DYNC2I1: variants seen among roughly 807,000 people sequenced by gnomAD.
DYNC2I1 encodes the protein dynein 2 intermediate chain 1.
Under a neutral mutation model 133.4 loss-of-function variants are expected in DYNC2I1, and 89 were observed. The observed-to-expected ratio is 0.67, with a 90% CI of 0.56 to 0.80. The LOEUF (loss-of-function observed/expected upper bound fraction) is 0.80, where lower values mean the gene tolerates loss of function less well. DYNC2I1 is among the 30% of genes least tolerant of loss of function. The probability of loss-of-function intolerance (pLI) is 0.00; values close to 1 mark genes in which losing one functional copy is unlikely to be tolerated. For synonymous variants in DYNC2I1, 504 were observed against 484.3 expected, an observed-to-expected ratio of 1.04 and a Z score of -0.54; for missense variants, 1,291 against 1,314.5, an observed-to-expected ratio of 0.98 and a Z score of 0.28.
chr7:158,885,345 CTT>C (rs758083057), intron 6 of DYNC2I1, among the ~76,000 whole-genome samples: 10 of 141,854 alleles, frequency 7.0e-5, no homozygotes, highest in South Asian at 2.3e-4. Flanking sequence ...TGTATAAACT[CTT>C]TTTTTTTTTT....
upstream of DYNC2I1, among the ~76,000 whole-genome samples, chr7:158,853,376 G>A (rs1189694070): frequency 6.6e-6 from 1 of 152,132 alleles, no homozygotes; most frequent in Non-Finnish European, 1.5e-5. Flanking sequence ...GATGGAACAG[G>A]CTTCTTTAAG....
At position 158,902,414 on chromosome 7, in the gene DYNC2I1, T is replaced by C; in HGVS notation, c.1176T>C (p.Asp392=). 1.9e-6 allele frequency: 3 copies of C among 1,613,640 alleles called. No homozygotes were observed. Among genetic ancestry groups the C allele is most frequent in the Non-Finnish European group, 2.5e-6 (3 of 1,179,870 alleles). The change falls in exon 10 of 25, where the codon GAT becomes GAC. Residue 392 remains aspartate (D), a synonymous_variant. Coordinates refer to ENST00000407559, the MANE Select transcript of DYNC2I1 (RefSeq NM_018051.5). The part of the protein sequence containing the change: ...EDDFEVCDGD[D]DESSNEPESR... The stretch of plus-strand genomic sequence containing the variant: ...ACTTTGAGGTTTGTGATGGTGATGA[T>C]GATGAAAGCAGTAATGAACCTGAGT...
At chr7:158,843,657 A>G in the DYNC2I1 span, among the ~76,000 whole-genome samples, 12 of 152,250 alleles carry the variant, frequency 7.9e-5, no homozygotes, top group Admixed American at 7.2e-4. Context: ...CAGCCTCCCA[A>G]AGTACTGGGA....
At chr7:158,886,613 T>A (rs1020545784) in intron 6 of DYNC2I1, among the ~76,000 whole-genome samples, 3 of 152,204 alleles carry the variant, frequency 2.0e-5, no homozygotes, top group African/African-American at 7.2e-5. Context: ...TTTAAAAAAA[T>A]TATTTTTTGA....
At chr7:158,899,316 A>C (rs1447530737) in intron 8 of DYNC2I1, among the ~76,000 whole-genome samples, 3 of 152,188 alleles carry the variant, frequency 2.0e-5, no homozygotes, top group Non-Finnish European at 4.4e-5. Context: ...AGGGCTAACT[A>C]TGCATATGTG....
At chr7:158,872,249 G>A (rs1842955695) in intron 3 of DYNC2I1, among the ~76,000 whole-genome samples, 1 of 152,126 alleles carries the variant, frequency 6.6e-6, no homozygotes, top group African/African-American at 2.4e-5. Flanking sequence ...CCAGGAGGTC[G>A]AGGCTGCAAT....
At chr7:158,849,062 G>A in the DYNC2I1 span, among the ~76,000 whole-genome samples, 383 of 152,296 alleles carry the variant, frequency 2.5e-3, 1 homozygote, top group South Asian at 8.3e-3. Flanking sequence ...TAATGAGAAA[G>A]CTTACATTGA....
chr7:158,871,896 T>G (rs1842920827), intron 3 of DYNC2I1, among the ~76,000 whole-genome samples: 1 of 152,262 alleles, frequency 6.6e-6, no homozygotes, highest in Non-Finnish European at 1.5e-5. Flanking sequence ...AATGTTCATT[T>G]GTTATTTTTG....
intron 14 of DYNC2I1, among the ~76,000 whole-genome samples, chr7:158,915,421 G>C (rs112458846): frequency 0.059 from 2,567 of 43,174 alleles, no homozygotes; most frequent in Middle Eastern, 0.093. Flanking sequence ...ATTGTGAAAC[G>C]TCGACACGCT....
chr7:158,898,950 C>G (rs1294704546), intron 8 of DYNC2I1, among the ~76,000 whole-genome samples: 2 of 151,892 alleles, frequency 1.3e-5, no homozygotes, highest in African/African-American at 4.8e-5. Context: ...GACTGTATCA[C>G]TCCCATTCCT....
the DYNC2I1 span, among the ~76,000 whole-genome samples, chr7:158,845,228 AT>A: frequency 1.3e-5 from 2 of 151,514 alleles, no homozygotes; most frequent in East Asian, 1.9e-4. Context: ...AAGCTATAGG[AT>A]TTTTTTTTGT....
rs1842844016 is a variant in DYNC2I1 at position 158,871,226 on chromosome 7, C to T, written c.154C>T (p.His52Tyr). The T allele has an allele frequency of 1.2e-6, 2 of 1,613,240 alleles. No homozygotes were observed. Among genetic ancestry groups the T allele is most frequent in the South Asian group, 1.1e-5 (1 of 90,944 alleles). ...GGAGTCTGAGATGGACCTTCCTGAA[C>T]ATAAGGAGCCGAGGTGCAGGGATCC... ...RKESEMDLPEHKEPRCRDPDQ... is the reference protein window; with the variant it reads ...RKESEMDLPEYKEPRCRDPDQ... The change falls in exon 3 of 25, where the codon CAT (histidine) becomes TAT (tyrosine). Residue 52 changes from histidine (H) to tyrosine (Y), a missense_variant. His to Tyr is a moderately conservative substitution (Grantham distance 83, BLOSUM62 2). Coordinates refer to ENST00000407559, the MANE Select transcript of DYNC2I1 (RefSeq NM_018051.5).
At position 158,923,637 on chromosome 7, in the gene DYNC2I1, G is replaced by T; in HGVS notation, c.2161G>T (p.Val721Phe). 1.9e-6 allele frequency: 3 copies of T among 1,613,998 alleles called. No homozygotes were observed. The highest frequency in any genetic ancestry group is 1.7e-6 in the Non-Finnish European group (2 of 1,179,888). The stretch of plus-strand genomic sequence containing the variant: ...GTTTGCCGGAACAGCGCACGGCTCA[G>T]TTGTCGTCTGGGATTTGAGAGAAGA... ...LLFAGTAHGS[V>F]VVWDLREDSR... Residue 721 changes from valine to phenylalanine, a missense_variant, in exon 17 of 25, where the codon GTT becomes TTT. Coordinates refer to ENST00000407559, the MANE Select transcript of DYNC2I1 (RefSeq NM_018051.5).
In DYNC2I1 at chr7:158,902,454, G is replaced by C. The variant is rs757925990; in HGVS notation, c.1216G>C (p.Glu406Gln). ...SNEPESREKL[E>Q]ELPLAQKKEI... The stretch of plus-strand genomic sequence containing the variant: ...TGAACCTGAGTCAAGAGAAAAACTG[G>C]AAGAACTTCCTCTAGCTCAAAAAAA... Residue 406 changes from glutamate (E) to glutamine (Q), a missense_variant, in exon 10 of 25, where the codon GAA (glutamate) becomes CAA (glutamine). By Grantham distance (29) the Glu-to-Gln change is conservative (BLOSUM62 2). Coordinates refer to ENST00000407559, the MANE Select transcript of DYNC2I1 (RefSeq NM_018051.5). The C allele has an allele frequency of 2.5e-6, 4 of 1,613,922 alleles. No homozygotes were observed. Among genetic ancestry groups the C allele is most frequent in the South Asian group, 1.1e-5 (1 of 91,080 alleles).
chr7:158,875,990 A>G (rs1460627480), intron 3 of DYNC2I1, among the ~76,000 whole-genome samples: 4 of 152,264 alleles, frequency 2.6e-5, no homozygotes, highest in Non-Finnish European at 5.9e-5. Flanking sequence ...GAGTGAGGCA[A>G]GAAATCTCTC....
At chr7:158,940,425 A>G (rs1048000475) in intron 23 of DYNC2I1, among the ~76,000 whole-genome samples, 3 of 152,132 alleles carry the variant, frequency 2.0e-5, no homozygotes, top group African/African-American at 7.2e-5. Context: ...CCCAGTTCGT[A>G]ATAGGCCGTG....
chr7:158,879,601 G>A lies in DYNC2I1; in HGVS notation c.574-83G>A, dbSNP rs145256690. 884 of 1,426,364 alleles carry A rather than the reference G, an allele frequency of 6.2e-4. 1 individual carries two copies. The African/African-American group carries it at 6.5e-3, about 10-fold the overall frequency. The allele number at this position is 1,426,364 out of a possible 1,614,324, so 88.4% of individuals were successfully genotyped here. ...TGATCCGTGGTTGGTTGGATCCGTC[G>A]TTGCAGAACCCACAGAGAGGGAGGG... is the stretch of plus-strand genomic sequence containing the variant. On this transcript the variant is annotated intron_variant, in intron 4 of 24. Coordinates refer to ENST00000407559, the MANE Select transcript of DYNC2I1 (RefSeq NM_018051.5).
chr7:158,886,033 A>G (rs897490402), intron 6 of DYNC2I1, among the ~76,000 whole-genome samples: 2 of 148,690 alleles, frequency 1.3e-5, no homozygotes, highest in East Asian at 3.9e-4. Context: ...TTTATATTAC[A>G]TATTATATAA....
chr7:158,842,392 T>C, the DYNC2I1 span, among the ~76,000 whole-genome samples: 6 of 152,216 alleles, frequency 3.9e-5, no homozygotes, highest in Non-Finnish European at 2.9e-5. Context: ...GCTCTTCTAG[T>C]GTCACCGTTT....
Sources: allele counts gnomAD v4.1 joint callset (sites outside exome capture counted in the v4.1 genomes callset), GRCh38; gene constraint gnomAD v4.1.1; transcripts MANE v1.5; gene names NCBI Gene and HGNC (gene_info 2026-07-23, HGNC 2026-07-21).